The following RNGTT variants were observed in gnomAD, a reference collection of about 807,000 sequenced individuals.
RNGTT encodes the protein RNA guanylyltransferase and 5'-phosphatase, also known as mRNA-capping enzyme.
In RNGTT, 33 loss-of-function variants were observed where a neutral mutation model predicts 79.3. That is an observed-to-expected ratio of 0.42 (90% CI 0.32 to 0.56). The LOEUF is 0.56. RNGTT is among the 20% of genes least tolerant of loss of function. The probability of loss-of-function intolerance (pLI) is 0.17; values close to 1 mark genes in which losing one functional copy is unlikely to be tolerated. For missense variants in RNGTT, 497 were observed against 739.1 expected (o/e 0.67, Z 3.80); for synonymous variants, 222 against 235.9 (o/e 0.94, Z 0.54).
intron 1 of RNGTT, among the ~76,000 whole-genome samples, chr6:88,955,043 G>C (rs1354557078): frequency 6.6e-6 from 1 of 151,886 alleles, no homozygotes; most frequent in Non-Finnish European, 1.5e-5. Context: ...GGGTGACAGA[G>C]CAAGACTCCA....
intron 14 of RNGTT, among the ~76,000 whole-genome samples, chr6:88,641,324 G>C (rs1479514382): frequency 6.9e-6 from 1 of 144,638 alleles, no homozygotes; most frequent in Non-Finnish European, 1.5e-5. Context: ...GGGCAACAGA[G>C]TGAGACTCTG....
At chr6:88,950,192 A>G (rs763663556) in intron 1 of RNGTT, among the ~76,000 whole-genome samples, 1 of 152,196 alleles carries the variant, frequency 6.6e-6, no homozygotes, top group Non-Finnish European at 1.5e-5. Flanking sequence ...CTTACTGCTC[A>G]GAAAAAAAGA....
rs1196307597 is a variant in RNGTT, at chr6:88,678,373, T to G, written c.1486A>C (p.Arg496=). The G allele has an allele frequency of 3.9e-6, 6 of 1,541,908 alleles. No homozygotes were observed. Among genetic ancestry groups the G allele is most frequent in the Non-Finnish European group, 4.4e-6 (5 of 1,140,100 alleles). Residue 496 remains arginine (R), a synonymous_variant, in exon 14 of 16, where the codon AGA becomes CGA. Coordinates refer to ENST00000369485, the MANE Select transcript of RNGTT (RefSeq NM_003800.5). ...VGLLYVGGYE[R]PFAQIKVTKE... ...CATACCTTGATTTGTGCAAAGGGTC[T>G]TTCATAACCTCCAACATACAGGAGG...
intron 8 of RNGTT, among the ~76,000 whole-genome samples, chr6:88,870,218 CAT>C (rs1219639076): frequency 6.6e-6 from 1 of 152,258 alleles, no homozygotes; most frequent in Non-Finnish European, 1.5e-5. Context: ...ACCTAGTTCA[CAT>C]GTTACTGCCT....
At chr6:88,954,102 G>C (rs1785346468) in intron 1 of RNGTT, among the ~76,000 whole-genome samples, 1 of 152,092 alleles carries the variant, frequency 6.6e-6, no homozygotes, top group South Asian at 2.1e-4. Context: ...GCAACAACTA[G>C]CATTATGAAT....
chr6:88,684,571 A>G (rs1775205870), intron 13 of RNGTT, among the ~76,000 whole-genome samples: 1 of 152,220 alleles, frequency 6.6e-6, no homozygotes, highest in African/African-American at 2.4e-5. Context: ...CTATCAAGCC[A>G]CGAAAAGACA....
At chr6:88,769,584 C>T (rs562294902) in intron 13 of RNGTT, among the ~76,000 whole-genome samples, 190 bp downstream of exon 13, 8 of 152,044 alleles carry the variant, frequency 5.3e-5, no homozygotes, top group African/African-American at 1.9e-4. Context: ...TGTTAGCTGA[C>T]ACAGGTCAAA....
Position 88,833,235 on chromosome 6 carries a change from T to C in RNGTT, c.1269+11122A>G, listed in dbSNP as rs552346109. On this transcript the variant is annotated intron_variant, in intron 11 of 15. Transcript: ENST00000369485. Reference sequence around the variant, plus strand: ...GTGGCACATAGACACCATGGAATACTATGCAGCCATAAAAAAGGATGAGTT... The same window carrying C: ...GTGGCACATAGACACCATGGAATACCATGCAGCCATAAAAAAGGATGAGTT... Among the ~76,000 whole-genome samples, 586 of 152,318 alleles carry C rather than the reference T, an allele frequency of 3.8e-3. 4 individuals are homozygous for C. Among genetic ancestry groups the C allele is most frequent in the African/African-American group, 0.014 (566 of 41,566 alleles).
intron 13 of RNGTT, among the ~76,000 whole-genome samples, chr6:88,760,409 G>A (rs550192572): frequency 6.6e-6 from 1 of 152,284 alleles, no homozygotes; most frequent in Admixed American, 6.5e-5. Flanking sequence ...AATCAAGAAT[G>A]TTAACAGTAG....
intron 14 of RNGTT, among the ~76,000 whole-genome samples, chr6:88,628,509 T>C (rs1484256230): frequency 1.3e-5 from 2 of 152,166 alleles, no homozygotes; most frequent in Non-Finnish European, 2.9e-5. Flanking sequence ...TTCATTACTT[T>C]GGTAACTTGT....
chr6:88,728,021 T>C (rs1208235323), intron 13 of RNGTT, among the ~76,000 whole-genome samples: 1 of 152,086 alleles, frequency 6.6e-6, no homozygotes, highest in African/African-American at 2.4e-5. Context: ...ATGCTGTTCC[T>C]ATAGTGGAAA....
intron 14 of RNGTT, among the ~76,000 whole-genome samples, chr6:88,654,051 G>A (rs1436954723): frequency 6.6e-6 from 1 of 152,160 alleles, no homozygotes; most frequent in East Asian, 1.9e-4. Flanking sequence ...TGTATGACTC[G>A]TTAGTAATCA....
chr6:88,806,044 A>C (rs887797999), intron 11 of RNGTT, among the ~76,000 whole-genome samples: 6 of 152,148 alleles, frequency 3.9e-5, no homozygotes, highest in Non-Finnish European at 8.8e-5. Flanking sequence ...TAACAAACTA[A>C]AAGAAGTATG....
intron 13 of RNGTT, among the ~76,000 whole-genome samples, chr6:88,756,181 G>C (rs1015089461): frequency 1.6e-4 from 25 of 151,914 alleles, no homozygotes; most frequent in Admixed American, 1.2e-3. Context: ...GAAAGTTAAA[G>C]AGGTAAAATT....
chr6:88,781,222 G>C (rs1351800204), intron 12 of RNGTT, among the ~76,000 whole-genome samples: 2 of 151,926 alleles, frequency 1.3e-5, no homozygotes, highest in East Asian at 3.8e-4. Flanking sequence ...TATCTCATTT[G>C]TAAAAATGCA....
chr6:88,891,781 T>C (rs1176797004), intron 7 of RNGTT, 25 bp downstream of exon 7: 1 of 1,417,426 alleles, frequency 7.1e-7, no homozygotes. Context: ...CAAATTTTAT[T>C]TAAAAATTTA....
chr6:88,854,669 T>A (rs982709962), intron 8 of RNGTT, among the ~76,000 whole-genome samples: 1 of 152,204 alleles, frequency 6.6e-6, no homozygotes, highest in African/African-American at 2.4e-5. Flanking sequence ...GACTATAAAA[T>A]TAAAATATTT....
At chr6:88,818,504 G>A (rs1366722245) in intron 11 of RNGTT, among the ~76,000 whole-genome samples, 1 of 152,184 alleles carries the variant, frequency 6.6e-6, no homozygotes, top group African/African-American at 2.4e-5. Flanking sequence ...GAACCCGGGA[G>A]GCAGAGGTTG....
intron 12 of RNGTT, among the ~76,000 whole-genome samples, chr6:88,800,869 T>C (rs999045221): frequency 6.6e-6 from 1 of 152,200 alleles, no homozygotes; most frequent in East Asian, 1.9e-4. Flanking sequence ...ATAGGGAGCA[T>C]GCTCCTGGCA....
Sources: allele counts gnomAD v4.1 joint callset (sites outside exome capture counted in the v4.1 genomes callset), GRCh38; gene constraint gnomAD v4.1.1; transcripts MANE v1.5; gene names NCBI Gene and HGNC (gene_info 2026-07-23, HGNC 2026-07-21).